The following FAM151B variants were observed in gnomAD, a reference collection of about 807,000 sequenced individuals.
The protein encoded by FAM151B is protein FAM151B.
FAM151B carries 24 observed loss-of-function variants against 31.2 expected under a neutral mutation model. The observed-to-expected ratio is 0.77, with a 90% confidence interval of 0.56 to 1.08. FAM151B has a LOEUF of 1.08. Among genes scored for constraint, FAM151B ranks in the 50% least tolerant of loss-of-function variants. FAM151B has a pLI of 0.00. For synonymous variants in FAM151B, 105 were observed against 111.4 expected, an observed-to-expected ratio of 0.94 and a Z score of 0.36; for missense variants, 293 against 328.6, an observed-to-expected ratio of 0.89 and a Z score of 0.84.
chr5:80,523,273 T>C (rs907560793), intron 5 of FAM151B, among the ~76,000 whole-genome samples: 4 of 152,224 alleles, frequency 2.6e-5, no homozygotes, highest in African/African-American at 4.8e-5. Context: ...ACCCCCAATG[T>C]GTATGTCAGA....
In FAM151B at chr5:80,513,790, A is replaced by G. The variant is rs769873660; in HGVS notation, c.317+21A>G. On this transcript the variant is annotated intron_variant, in intron 3 of 5. Coordinates refer to ENST00000282226, the MANE Select transcript of FAM151B (RefSeq NM_205548.3). ...AAAAGGTATTTGTATAAACACGTTC[A>G]ATTTTCTGGGAAAAAAGTAATAGCT... 4 of 1,582,240 alleles carry G rather than the reference A, an allele frequency of 2.5e-6. No individual in the cohort carries two copies. In the Admixed American group the frequency reaches 7.6e-5, roughly 30 times the overall value.
rs1554059092 is a variant in FAM151B at position 80,538,483 on chromosome 5, T to TTTCTTTCTTTCTTTCCTTCC, written c.672-3187_672-3186insTTTCTTTCTTTCCTTCCTTC. Among the ~76,000 whole-genome samples, 10 of 101,098 alleles carry TTTCTTTCTTTCTTTCCTTCC rather than the reference T, an allele frequency of 9.9e-5. 1 individual carries two copies. The highest frequency in any genetic ancestry group is 1.4e-4 in the Non-Finnish European group (7 of 49,580). 66.3% of individuals were successfully genotyped at this position (101,098 alleles called of 152,430 possible). On this transcript the variant is annotated intron_variant, in intron 5 of 5. Coordinates refer to ENST00000282226, the MANE Select transcript of FAM151B (RefSeq NM_205548.3). Reference sequence around the variant, plus strand: ...CTTTCTTTCTTTCTTTCTTTCTTTCTTTCCTTCCTTCCTTCCTTTCTTTTC... The same window carrying TTTCTTTCTTTCTTTCCTTCC: ...CTTTCTTTCTTTCTTTCTTTCTTTCTTTCTTTCTTTCTTTCCTTCCTTCCTTCCTTCCTTCCTTTCTTTTC...
chr5:80,511,435 C>CAAAAAA (rs57587683), intron 2 of FAM151B, among the ~76,000 whole-genome samples: 2 of 54,092 alleles, frequency 3.7e-5, no homozygotes, highest in African/African-American at 7.0e-5. Flanking sequence ...GACTCTGTCT[C>CAAAAAA]AAAAAAAAAA....
At chr5:80,494,628 T>C (rs1322633569) in intron 1 of FAM151B, among the ~76,000 whole-genome samples, 1 of 151,880 alleles carries the variant, frequency 6.6e-6, no homozygotes, top group Non-Finnish European at 1.5e-5. Flanking sequence ...TCCTCCCACC[T>C]CAGCCCCCCA....
At chr5:80,506,777 C>T (rs1201652241) in intron 2 of FAM151B, among the ~76,000 whole-genome samples, 1 of 152,146 alleles carries the variant, frequency 6.6e-6, no homozygotes, top group Non-Finnish European at 1.5e-5. Context: ...GCTTTGACCT[C>T]TTGCCTCACT....
intron 5 of FAM151B, among the ~76,000 whole-genome samples, chr5:80,531,952 G>A (rs967640364): frequency 2.6e-5 from 4 of 152,150 alleles, no homozygotes; most frequent in African/African-American, 9.6e-5. Flanking sequence ...GTTTATTGTG[G>A]CACTATTCAC....
chr5:80,536,208 T>C (rs1745508510), intron 5 of FAM151B, among the ~76,000 whole-genome samples: 1 of 152,166 alleles, frequency 6.6e-6, no homozygotes, highest in Admixed American at 6.6e-5. Context: ...TCTCACTGGG[T>C]TGCCCAGGCT....
rs188984147 is a variant in FAM151B at position 80,488,795 on chromosome 5, A to G, written c.25+647A>G. Among the ~76,000 whole-genome samples the G allele has an allele frequency of 1.3e-3, 202 of 152,360 alleles. 2 individuals are homozygous for G. The highest frequency in any genetic ancestry group is 4.6e-3 in the African/African-American group (193 of 41,584). ...TTCACCATTCTGACTAGCAGGCTGT[A>G]TAAATACAGGTTCTCTTCTGAATCG... On this transcript the variant is annotated intron_variant, in intron 1 of 5. Transcript: ENST00000282226.
chr5:80,525,079 C>A (rs1744899980), intron 5 of FAM151B, among the ~76,000 whole-genome samples: 1 of 152,152 alleles, frequency 6.6e-6, no homozygotes, highest in Admixed American at 6.6e-5. Context: ...CAGCATTAAG[C>A]AAAGAGCCTT....
chr5:80,518,881 A>G (rs1744578524), intron 3 of FAM151B: 1 of 152,202 alleles, frequency 6.6e-6, no homozygotes, highest in Admixed American at 6.5e-5. Flanking sequence ...TCTCCCCTCC[A>G]GTATCCATCT....
At chr5:80,490,839 T>C (rs1743306894) in intron 1 of FAM151B, among the ~76,000 whole-genome samples, 1 of 152,214 alleles carries the variant, frequency 6.6e-6, no homozygotes, top group South Asian at 2.1e-4. Context: ...TGTTTCCATC[T>C]TTTGGGTATA....
intron 1 of FAM151B, among the ~76,000 whole-genome samples, chr5:80,494,733 C>T (rs1237298213): frequency 6.6e-6 from 1 of 151,622 alleles, no homozygotes; most frequent in African/African-American, 2.4e-5. Flanking sequence ...CAGCTGGTCT[C>T]GAACTCCTGG....
At chr5:80,506,287 A>T (rs1183788260) in intron 2 of FAM151B, among the ~76,000 whole-genome samples, 1 of 152,206 alleles carries the variant, frequency 6.6e-6, no homozygotes, top group Admixed American at 6.5e-5. Context: ...GAAGTATGTG[A>T]ACATGAAAAT....
intron 1 of FAM151B, among the ~76,000 whole-genome samples, chr5:80,490,909 G>T (rs1000402382): frequency 3.3e-5 from 5 of 152,216 alleles, no homozygotes; most frequent in Non-Finnish European, 7.3e-5. Flanking sequence ...ATGGTACATT[G>T]TCTTTAATGG....
intron 5 of FAM151B, among the ~76,000 whole-genome samples, chr5:80,524,133 T>C (rs922546259): frequency 6.6e-6 from 1 of 152,126 alleles, no homozygotes; most frequent in African/African-American, 2.4e-5. Context: ...TTTGAGAATA[T>C]ATTTTCTTAC....
intron 5 of FAM151B, among the ~76,000 whole-genome samples, chr5:80,526,848 AG>A (rs1310647641): frequency 6.6e-6 from 1 of 151,964 alleles, no homozygotes; most frequent in Non-Finnish European, 1.5e-5. Context: ...CCAAAAGATG[AG>A]GGGTGGGGGC....
intron 5 of FAM151B, among the ~76,000 whole-genome samples, chr5:80,524,537 G>T (rs980755752): frequency 6.6e-6 from 1 of 151,906 alleles, no homozygotes; most frequent in African/African-American, 2.4e-5. Flanking sequence ...CAAAGTTCTG[G>T]AGTTTGCTTG....
At chr5:80,502,641 C>A (rs1743788054) in intron 2 of FAM151B, among the ~76,000 whole-genome samples, 1 of 152,028 alleles carries the variant, frequency 6.6e-6, no homozygotes, top group Non-Finnish European at 1.5e-5. Context: ...TTGGCTGCAG[C>A]AGGAAAGGAG....
Position 80,500,992 on chromosome 5 carries a change from A to G in FAM151B, c.26-800A>G. The G allele has an allele frequency of 6.4e-6, 4 of 626,720 alleles. No homozygotes were observed. The South Asian group carries it at 7.2e-5, about 11-fold the overall frequency. 38.8% of individuals were successfully genotyped at this position (626,720 alleles called of 1,614,324 possible). A position where few individuals can be genotyped will look rare whatever the true frequency, so the allele number is the denominator to read the frequency against. On this transcript the variant is annotated intron_variant, in intron 1 of 5. Transcript: ENST00000282226. ...ATCTTCGCCATGAGGCGGAATGAAG[A>G]AAAAGACCATCCATTTTTATTTTAT...
Sources: gnomAD v4.1 joint callset for allele counts (sites outside exome capture counted in the v4.1 genomes callset) on GRCh38, gnomAD v4.1.1 for gene constraint, MANE v1.5 for transcripts, NCBI Gene and HGNC (gene_info 2026-07-23, HGNC 2026-07-21) for gene names.